The following NCALD variants were observed in gnomAD, a reference collection of about 807,000 sequenced individuals.
NCALD encodes neurocalcin-delta.
A neutral mutation model predicts 18.6 loss-of-function variants in NCALD; 10 were observed. That is an observed-to-expected ratio of 0.54 (90% CI 0.33 to 0.91). The LOEUF is 0.91. NCALD is among the 40% of genes least tolerant of loss of function. The probability of loss-of-function intolerance (pLI) is 0.03; values close to 1 mark genes in which losing one functional copy is unlikely to be tolerated. For missense variants in NCALD, 184 were observed against 247.6 expected, an observed-to-expected ratio of 0.74 and a Z score of 1.72; for synonymous variants, 88 against 87.4, an observed-to-expected ratio of 1.01 and a Z score of -0.04.
At chr8:101,793,400 G>A (rs1232480662), upstream of NCALD, among the ~76,000 whole-genome samples, 3 of 151,828 alleles carry the variant, frequency 2.0e-5, no homozygotes, top group South Asian at 2.1e-4. Context: ...TGAAAAGTGG[G>A]TGCATGTAGC....
At chr8:101,936,142 G>A (rs1818755843) in intron 2 of NCALD, among the ~76,000 whole-genome samples, 1 of 152,168 alleles carries the variant, frequency 6.6e-6, no homozygotes, top group African/African-American at 2.4e-5. Flanking sequence ...GTTTGGTAGA[G>A]AAGAAGGGTG....
chr8:101,923,082 A>C (rs1222624294), intron 2 of NCALD, among the ~76,000 whole-genome samples: 1 of 152,158 alleles, frequency 6.6e-6, no homozygotes, highest in Non-Finnish European at 1.5e-5. Flanking sequence ...CCTATAAAAG[A>C]GGGCTTCACA....
At chr8:101,880,248 G>A (rs1816429220) in intron 4 of NCALD, among the ~76,000 whole-genome samples, 1 of 152,166 alleles carries the variant, frequency 6.6e-6, no homozygotes, top group African/African-American at 2.4e-5. Context: ...CTGGTGCTAA[G>A]CCCCTTACTG....
intron 4 of NCALD, chr8:101,847,331 AATTATCACGCT>A (rs1586624458): frequency 4.0e-6 from 1 of 249,188 alleles, no homozygotes; most frequent in East Asian, 1.0e-4. Flanking sequence ...ATGAACACCC[AATTATCACGCT>A]CATGAGCTAC....
At chr8:101,809,611 A>T (rs963238176) in intron 4 of NCALD, among the ~76,000 whole-genome samples, 24 of 152,228 alleles carry the variant, frequency 1.6e-4, no homozygotes, top group Admixed American at 1.4e-3. Context: ...CAGTGGCATG[A>T]TCTCAGTTCA....
At chr8:102,071,158 A>G (rs1047242775) in intron 1 of NCALD, among the ~76,000 whole-genome samples, 5 of 152,126 alleles carry the variant, frequency 3.3e-5, no homozygotes, top group Non-Finnish European at 5.9e-5. Flanking sequence ...AACGCAATGA[A>G]CACTAACATA....
chr8:101,739,114 T>C (rs1244133511), intron 1 of NCALD, among the ~76,000 whole-genome samples: 1 of 152,088 alleles, frequency 6.6e-6, no homozygotes, highest in Admixed American at 6.5e-5. Context: ...CTCTCATATC[T>C]TCACGGCTTG....
At chr8:101,952,959 G>A (rs1185667097) in intron 2 of NCALD, among the ~76,000 whole-genome samples, 1 of 151,796 alleles carries the variant, frequency 6.6e-6, no homozygotes, top group East Asian at 1.9e-4. Context: ...CTGTTTCCCA[G>A]TGTTTCCTTC....
intron 2 of NCALD, among the ~76,000 whole-genome samples, chr8:101,986,014 C>A (rs1197715171): frequency 6.6e-6 from 1 of 151,920 alleles, no homozygotes; most frequent in African/African-American, 2.4e-5. Context: ...ATCCAGTTTT[C>A]TTTCTTTCTT....
At chr8:101,956,621 G>C (rs1476457647) in intron 2 of NCALD, among the ~76,000 whole-genome samples, 1 of 151,018 alleles carries the variant, frequency 6.6e-6, no homozygotes, top group Non-Finnish European at 1.5e-5. Context: ...GACAGACACA[G>C]AGAGAGAGAG....
intron 3 of NCALD, among the ~76,000 whole-genome samples, chr8:101,890,468 A>G (rs1816830963): frequency 6.6e-6 from 1 of 152,178 alleles, no homozygotes; most frequent in Admixed American, 6.5e-5. Context: ...TGAAAACTTA[A>G]TCCCCAATGC....
chr8:101,768,451 G>A (rs1356658379), intron 1 of NCALD, among the ~76,000 whole-genome samples: 8 of 152,228 alleles, frequency 5.3e-5, no homozygotes, highest in Admixed American at 5.2e-4. Flanking sequence ...ACTCAGGCCT[G>A]TAATCCCAGC....
intron 4 of NCALD, among the ~76,000 whole-genome samples, chr8:101,834,766 G>T (rs1466682703): frequency 6.6e-6 from 1 of 152,218 alleles, no homozygotes; most frequent in Non-Finnish European, 1.5e-5. Context: ...AAGATGATGG[G>T]GTCAGGGGAG....
At chr8:102,052,750 C>T (rs1288949150) in intron 1 of NCALD, among the ~76,000 whole-genome samples, 2 of 152,136 alleles carry the variant, frequency 1.3e-5, no homozygotes, top group Admixed American at 6.5e-5. Context: ...CAGGCCATTC[C>T]GAGTCTGTTG....
intron 1 of NCALD, among the ~76,000 whole-genome samples, chr8:101,760,685 T>G (rs1811075935): frequency 6.6e-6 from 1 of 152,200 alleles, no homozygotes. Context: ...CAAGTTGAGG[T>G]GTGGCTATAG....
At chr8:102,046,808 T>G (rs1823261485) in intron 1 of NCALD, among the ~76,000 whole-genome samples, 1 of 151,980 alleles carries the variant, frequency 6.6e-6, no homozygotes, top group African/African-American at 2.4e-5. Flanking sequence ...TTTTTTTTTT[T>G]TTTGAACTTT....
intron 1 of NCALD, among the ~76,000 whole-genome samples, chr8:102,039,540 G>C (rs1366738731): frequency 6.6e-6 from 1 of 152,094 alleles, no homozygotes; most frequent in African/African-American, 2.4e-5. Flanking sequence ...GATAGAGCTT[G>C]GGAAGTAGTG....
chr8:101,742,749 T>C (rs1459332254), intron 1 of NCALD, among the ~76,000 whole-genome samples: 1 of 152,226 alleles, frequency 6.6e-6, no homozygotes, highest in Admixed American at 6.5e-5. Flanking sequence ...CATGGTGGTC[T>C]GCTGTGCCTG....
At chr8:101,816,021 A>G (rs1013077612) in intron 4 of NCALD, among the ~76,000 whole-genome samples, 5 of 152,162 alleles carry the variant, frequency 3.3e-5, no homozygotes, top group Non-Finnish European at 5.9e-5. Flanking sequence ...CATATTACTA[A>G]ATGAAAGAAG....
Sources: allele counts gnomAD v4.1 joint callset (sites outside exome capture counted in the v4.1 genomes callset), GRCh38; gene constraint gnomAD v4.1.1; transcripts MANE v1.5; gene names NCBI Gene and HGNC (gene_info 2026-07-23, HGNC 2026-07-21).